The following SDK2 variants were observed in gnomAD, a reference collection of about 807,000 sequenced individuals.
SDK2 encodes the protein sidekick cell adhesion molecule 2.
In SDK2, 105 loss-of-function variants were observed where a neutral mutation model predicts 253.9. The ratio of observed to expected loss-of-function variants is 0.41; its 90% CI spans 0.35 to 0.49. The LOEUF is 0.49. SDK2 is among the 20% of genes least tolerant of loss of function. The pLI is 0.06. For missense variants in SDK2, 2,608 were observed against 3,003.0 expected (o/e 0.87, Z 3.07); for synonymous variants, 1,249 against 1,234.9 (o/e 1.01, Z -0.24).
chr17:73,526,074 G>A (rs1046805354), intron 1 of SDK2, among the ~76,000 whole-genome samples: 6 of 152,202 alleles, frequency 3.9e-5, no homozygotes, highest in South Asian at 2.1e-4. Context: ...TTACAGGACC[G>A]TAATGGCCCT....
chr17:73,341,979 G>A (rs560422395), intron 44 of SDK2, among the ~76,000 whole-genome samples: 41 of 152,072 alleles, frequency 2.7e-4, no homozygotes, highest in Admixed American at 1.4e-3. Flanking sequence ...TGATCCGGCC[G>A]GGCTTGAACT....
At chr17:73,542,296 AG>A (rs1414108716) in intron 1 of SDK2, among the ~76,000 whole-genome samples, 2 of 152,198 alleles carry the variant, frequency 1.3e-5, no homozygotes, top group Admixed American at 6.5e-5. Flanking sequence ...TGACAGCAGC[AG>A]GGGCAGCTTC....
chr17:73,497,547 G>T (rs1280167073), intron 2 of SDK2, among the ~76,000 whole-genome samples: 4 of 151,872 alleles, frequency 2.6e-5, no homozygotes, highest in African/African-American at 9.7e-5. Flanking sequence ...CTCCGCCTGG[G>T]ATTCCTTCCT....
chr17:73,361,562 AGTGAGCT>A lies in SDK2; in HGVS notation c.5467+115_5467+121del. On this transcript the variant is annotated intron_variant, in intron 39 of 44. Coordinates refer to ENST00000392650, the MANE Select transcript of SDK2 (RefSeq NM_001144952.2). The surrounding 1 kb of genome is among the most constrained non-coding windows in gnomAD (Gnocchi z 4.1). ...GGGGTCACTGGGCACCAGGGGAAAG[AGTGAGCT>A]CTGTCCTCCACTCTGTTTCCAGGGT... 1.0e-6 allele frequency: 1 copy of A among 969,710 alleles called. No individual in the cohort carries two copies. The highest frequency in any genetic ancestry group is 1.5e-6 in the Non-Finnish European group (1 of 662,080). 60.1% of individuals were successfully genotyped at this position (969,710 alleles called of 1,614,324 possible). A position where few individuals can be genotyped will look rare whatever the true frequency, so the allele number is the denominator to read the frequency against.
At chr17:73,637,194 A>T (rs1398410689) in intron 1 of SDK2, among the ~76,000 whole-genome samples, 3 of 152,164 alleles carry the variant, frequency 2.0e-5, no homozygotes, top group Non-Finnish European at 4.4e-5. Flanking sequence ...CCTCTGTATG[A>T]AATGCAGAGA....
intron 1 of SDK2, chr17:73,519,551 C>T (rs1299533880): frequency 1.4e-5 from 2 of 145,948 alleles, no homozygotes; most frequent in Non-Finnish European, 3.0e-5. Context: ...AAGGCCTACT[C>T]CACACTGAGC....
intron 22 of SDK2, among the ~76,000 whole-genome samples, 186 bp from the exon 23 acceptor site, chr17:73,398,615 T>C (rs559053524): frequency 2.0e-4 from 31 of 152,346 alleles, no homozygotes; most frequent in African/African-American, 6.5e-4. Flanking sequence ...TCAACCCTCC[T>C]GCCTTAGAAT....
At chr17:73,396,274 T>C (rs973001874) in intron 24 of SDK2, among the ~76,000 whole-genome samples, 1 of 152,148 alleles carries the variant, frequency 6.6e-6, no homozygotes. Context: ...CTTAAGGTTG[T>C]GTGGATGACC....
At chr17:73,358,389 G>A (rs1599481325) in intron 39 of SDK2, among the ~76,000 whole-genome samples, 185 bp from the exon 40 acceptor site, 1 of 152,280 alleles carries the variant, frequency 6.6e-6, no homozygotes, top group East Asian at 1.9e-4. Flanking sequence ...ATGGACTGTT[G>A]TCCCCCTGGG....
intron 1 of SDK2, among the ~76,000 whole-genome samples, chr17:73,576,298 G>A (rs1209565580): frequency 6.6e-6 from 1 of 152,174 alleles, no homozygotes; most frequent in Non-Finnish European, 1.5e-5. Flanking sequence ...GTGTCCCCAA[G>A]GAAGGGAAAG....
At chr17:73,453,075 G>A (rs892202573) in intron 4 of SDK2, among the ~76,000 whole-genome samples, 3 of 152,176 alleles carry the variant, frequency 2.0e-5, no homozygotes, top group Admixed American at 6.5e-5. Flanking sequence ...TCTTTGTCCC[G>A]TGACTTTGCA....
intron 16 of SDK2, 69 bp from the exon 17 acceptor site, chr17:73,416,061 C>A (rs2063179350): frequency 3.5e-6 from 5 of 1,437,818 alleles, no homozygotes; most frequent in Non-Finnish European, 4.7e-6. Context: ...AGGAAATTGT[C>A]CAGAGCAGCG....
chr17:73,498,356 C>T (rs2063860096), intron 2 of SDK2, among the ~76,000 whole-genome samples: 1 of 152,240 alleles, frequency 6.6e-6, no homozygotes, highest in African/African-American at 2.4e-5. Flanking sequence ...CCTCAGTCCC[C>T]TGCTGTTGCT....
In SDK2 at chr17:73,335,974, T is replaced by A. The variant is rs918584336; in HGVS notation, c.*2613A>T. On this transcript the variant is annotated 3_prime_UTR_variant, in exon 45 of 45. Transcript: ENST00000392650. ...GTGTGGGGAGTGGGGGGGTGGAATA[T>A]CTTAGTGCACCAGGTGATTCATTAA... is the stretch of plus-strand genomic sequence containing the variant. 1 of 152,030 alleles carries A rather than the reference T, an allele frequency of 6.6e-6. No individual in the cohort carries two copies. The highest frequency in any genetic ancestry group is 6.6e-5 in the Admixed American group (1 of 15,248). 9.4% of individuals were successfully genotyped at this position (152,030 alleles called of 1,614,324 possible).
At chr17:73,638,659 T>C (rs2046361269) in intron 1 of SDK2, among the ~76,000 whole-genome samples, 1 of 151,894 alleles carries the variant, frequency 6.6e-6, no homozygotes, top group Non-Finnish European at 1.5e-5. Context: ...GGTTCATGTC[T>C]GGGGAGTAGA....
chr17:73,392,839 G>T (rs187977393), intron 27 of SDK2, among the ~76,000 whole-genome samples: 2 of 152,228 alleles, frequency 1.3e-5, no homozygotes, highest in African/African-American at 4.8e-5. Flanking sequence ...AGGGATGAAT[G>T]CCTGCAGCCC....
At chr17:73,355,109 G>A (rs947302956) in intron 40 of SDK2, among the ~76,000 whole-genome samples, 3 of 140,378 alleles carry the variant, frequency 2.1e-5, no homozygotes, top group African/African-American at 5.5e-5. Context: ...CCCGAACCTC[G>A]GCCTCACTGT....
chr17:73,638,192 A>G (rs575939317), intron 1 of SDK2, among the ~76,000 whole-genome samples: 1 of 152,252 alleles, frequency 6.6e-6, no homozygotes, highest in East Asian at 1.9e-4. Context: ...GGGCCAGATG[A>G]CCGTGGGCTG....
chr17:73,472,678 A>T (rs1425575521), intron 2 of SDK2, among the ~76,000 whole-genome samples: 1 of 152,230 alleles, frequency 6.6e-6, no homozygotes, highest in Non-Finnish European at 1.5e-5. Flanking sequence ...GCTCAGTATC[A>T]TTCCTTTCTT....
Sources: allele counts gnomAD v4.1 joint callset (sites outside exome capture counted in the v4.1 genomes callset), GRCh38; gene constraint gnomAD v4.1.1; non-coding constraint Gnocchi (gnomAD v3.1); transcripts MANE v1.5; gene names NCBI Gene and HGNC (gene_info 2026-07-23, HGNC 2026-07-21).